The following STRBP variants were observed in gnomAD, a reference collection of about 807,000 sequenced individuals.
STRBP encodes the protein spermatid perinuclear RNA-binding protein.
STRBP carries 13 observed loss-of-function variants against 80.1 expected under a neutral mutation model. That is an observed-to-expected ratio of 0.16 (90% CI 0.11 to 0.26). STRBP has a LOEUF of 0.26. STRBP is among the 10% of genes least tolerant of loss of function. STRBP has a pLI of 1.00. For synonymous variants in STRBP, 284 were observed against 291.2 expected, an observed-to-expected ratio of 0.98 and a Z score of 0.25; for missense variants, 485 against 815.2, an observed-to-expected ratio of 0.59 and a Z score of 4.93.
intron 1 of STRBP, among the ~76,000 whole-genome samples, chr9:123,256,457 C>G (rs1212358140): frequency 1.3e-5 from 2 of 152,132 alleles, no homozygotes; most frequent in African/African-American, 4.8e-5. Flanking sequence ...TATAATAAAA[C>G]CAATTTATCA....
chr9:123,116,053 T>A, exon 3 of STRBP: 1 of 456,228 alleles, frequency 2.2e-6, no homozygotes, highest in Non-Finnish European at 4.4e-6. Context: ...TTCCATAGGT[T>A]TTTTACCTCC....
At chr9:123,146,652 C>A (rs1175886668) in intron 13 of STRBP, among the ~76,000 whole-genome samples, 1 of 150,690 alleles carries the variant, frequency 6.6e-6, no homozygotes, top group African/African-American at 2.4e-5. Context: ...TTACTTCTTT[C>A]CGTATTTTCC....
Position 123,160,384 on chromosome 9 carries a change from C to A in STRBP, c.706G>T (p.Ala236Ser). ...GTACTTACCCATCCTTTCAATGGTGCCCATGTGGGGACTCTGTTGCACAAA... is the reference window on the plus strand; with the variant it reads ...GTACTTACCCATCCTTTCAATGGTGACCATGTGGGGACTCTGTTGCACAAA... The part of the protein sequence containing the change: ...RDLCNRVPTW[A>S]PLKGWPLELI... Residue 236 changes from alanine (A) to serine (S), a missense_variant, in exon 8 of 19, where the codon GCA becomes TCA. Physicochemically the swap from Ala to Ser is moderately conservative, Grantham distance 99. This residue lies in a region of STRBP where 377 missense variants were observed against 616.1 expected (regional missense o/e 0.61). Transcript: ENST00000348403. 2 of 1,596,808 alleles carry A rather than the reference C, an allele frequency of 1.3e-6. No individual in the cohort carries two copies. The highest frequency in any genetic ancestry group is 1.7e-5 in the Admixed American group (1 of 59,588).
At chr9:123,160,562 G>C in intron 7 of STRBP, 100 bp from the exon 8 acceptor site, 1 of 710,522 alleles carries the variant, frequency 1.4e-6, no homozygotes, top group Non-Finnish European at 1.9e-6. Flanking sequence ...TTATTCATCA[G>C]TTATCAGGCA....
chr9:123,255,610 G>A (rs756110364), intron 1 of STRBP, among the ~76,000 whole-genome samples: 3 of 152,170 alleles, frequency 2.0e-5, no homozygotes, highest in Non-Finnish European at 2.9e-5. Context: ...GCTACTTACA[G>A]ATGAAAAGAA....
intron 16 of STRBP, chr9:123,135,796 T>C (rs774818447): frequency 1.0e-5 from 3 of 300,616 alleles, no homozygotes; most frequent in Non-Finnish European, 1.8e-5. Flanking sequence ...ATAATGCTAA[T>C]AGCCTCATAT....
chr9:123,202,086 T>C (rs2039346856), intron 2 of STRBP, among the ~76,000 whole-genome samples: 1 of 152,206 alleles, frequency 6.6e-6, no homozygotes, highest in Admixed American at 6.5e-5. Context: ...TAGAATACCT[T>C]TTTCCACTTT....
intron 11 of STRBP, among the ~76,000 whole-genome samples, chr9:123,152,075 T>G (rs187757351): frequency 1.3e-5 from 2 of 152,282 alleles, no homozygotes; most frequent in East Asian, 3.9e-4. Flanking sequence ...GGATAAATTC[T>G]TAGAAAAACA....
At chr9:123,251,328 T>TA (rs2040912566) in intron 1 of STRBP, among the ~76,000 whole-genome samples, 1 of 152,088 alleles carries the variant, frequency 6.6e-6, no homozygotes, top group South Asian at 2.1e-4. Flanking sequence ...GTGCTATACT[T>TA]ACATTATCCC....
chr9:123,179,303 T>C, intron 3 of STRBP, 76 bp from the exon 4 acceptor site: 1 of 1,272,774 alleles, frequency 7.9e-7, no homozygotes, highest in Non-Finnish European at 1.1e-6. Flanking sequence ...CAACTATATC[T>C]TTAGCCAACC....
Position 123,124,656 on chromosome 9 carries a change from G to C in STRBP, c.*941C>G. On this transcript the variant is annotated 3_prime_UTR_variant, in exon 19 of 19. Coordinates refer to ENST00000348403, the MANE Select transcript of STRBP (RefSeq NM_018387.5). ...TCTTCTATCTGCATGAAAAAAGCCA[G>C]GGAGTGAACACAATATCTTACAGAG... is the stretch of plus-strand genomic sequence containing the variant. The C allele has an allele frequency of 1.0e-6, 1 of 985,412 alleles. No individual in the cohort carries two copies. Among genetic ancestry groups the C allele is most frequent in the Non-Finnish European group, 1.2e-6 (1 of 829,922 alleles). 61.0% of individuals were successfully genotyped at this position (985,412 alleles called of 1,614,324 possible).
At chr9:123,244,381 CAT>C (rs1392544641) in intron 1 of STRBP, among the ~76,000 whole-genome samples, 2 of 152,170 alleles carry the variant, frequency 1.3e-5, no homozygotes, top group Admixed American at 6.5e-5. Flanking sequence ...ACAGTGGACA[CAT>C]GTCATTTTAC....
chr9:123,210,944 C>T (rs369414927), intron 2 of STRBP, among the ~76,000 whole-genome samples: 2 of 152,244 alleles, frequency 1.3e-5, no homozygotes, highest in African/African-American at 4.8e-5. Flanking sequence ...AATGTGGACC[C>T]ACAATGGCTT....
At chr9:123,168,220 A>G in intron 6 of STRBP, 1 of 983,884 alleles carries the variant, frequency 1.0e-6, no homozygotes, top group African/African-American at 1.7e-5. Context: ...CACTTCAGAA[A>G]TCATTTTATA....
chr9:123,154,293 A>G (rs977189190), intron 11 of STRBP, among the ~76,000 whole-genome samples: 3 of 152,332 alleles, frequency 2.0e-5, no homozygotes, highest in Non-Finnish European at 4.4e-5. Flanking sequence ...AGCAACATAA[A>G]TCAATCCCAA....
chr9:123,217,024 T>C (rs1477998789), intron 2 of STRBP, among the ~76,000 whole-genome samples: 2 of 152,234 alleles, frequency 1.3e-5, no homozygotes, highest in Non-Finnish European at 2.9e-5. Flanking sequence ...CCTTATCTGC[T>C]TCTCAAGGTG....
chr9:123,235,006 G>T lies in STRBP; in HGVS notation c.-165+1824C>A, dbSNP rs866497594. Reference sequence around the variant, plus strand: ...AACTGGCTTTTTTTTTGGGGGGGGGGGGTACTGGGTATTCAGGTTATAAAT... The same window carrying T: ...AACTGGCTTTTTTTTTGGGGGGGGGTGGTACTGGGTATTCAGGTTATAAAT... On this transcript the variant is annotated intron_variant, in intron 2 of 18. Coordinates refer to ENST00000348403, the MANE Select transcript of STRBP (RefSeq NM_018387.5). Among the ~76,000 whole-genome samples the T allele has an allele frequency of 4.8e-5, 7 of 146,722 alleles. 1 individual carries two copies. The highest frequency in any genetic ancestry group is 2.0e-4 in the Admixed American group (3 of 14,874).
chr9:123,123,080 C>A lies in STRBP; in HGVS notation c.*2517G>T, dbSNP rs2035784821. 1 of 985,392 alleles carries A rather than the reference C, an allele frequency of 1.0e-6. No individual in the cohort carries two copies. Among genetic ancestry groups the A allele is most frequent in the South Asian group, 4.7e-5 (1 of 21,288 alleles). 61.0% of individuals were successfully genotyped at this position (985,392 alleles called of 1,614,324 possible). On this transcript the variant is annotated 3_prime_UTR_variant, in exon 19 of 19. Coordinates refer to ENST00000348403, the MANE Select transcript of STRBP (RefSeq NM_018387.5). Reference sequence around the variant, plus strand: ...TGTCACATTGCTCTTAAGACCAAGACATAGAAATTGCCATTTCAAGCCAGA... The same window carrying A: ...TGTCACATTGCTCTTAAGACCAAGAAATAGAAATTGCCATTTCAAGCCAGA...
chr9:123,263,976 G>A (rs1220661283), intron 1 of STRBP, among the ~76,000 whole-genome samples: 3 of 152,174 alleles, frequency 2.0e-5, no homozygotes, highest in Non-Finnish European at 2.9e-5. Flanking sequence ...TCAAGAGATC[G>A]AGACCGTCCT....
Sources: gnomAD v4.1 joint callset for allele counts (sites outside exome capture counted in the v4.1 genomes callset) on GRCh38, gnomAD v4.1.1 for gene constraint, gnomAD v4.1.1 regional missense constraint, MANE v1.5 for transcripts, NCBI Gene and HGNC (gene_info 2026-07-23, HGNC 2026-07-21) for gene names.